Variants in MSRB3 observed in about 807,000 individuals in gnomAD.
The protein encoded by MSRB3 is methionine sulfoxide reductase B3, also known as methionine-R-sulfoxide reductase B3.
A neutral mutation model predicts 21.0 loss-of-function variants in MSRB3; 13 were observed. The ratio of observed to expected loss-of-function variants is 0.62; its 90% CI spans 0.40 to 0.98. MSRB3 has a LOEUF of 0.98. Among genes scored for constraint, MSRB3 ranks in the 50% least tolerant of loss-of-function variants. MSRB3 has a pLI of 0.00. For missense variants in MSRB3, 199 were observed against 230.3 expected (o/e 0.86, Z 0.88); for synonymous variants, 87 against 88.6 (o/e 0.98, Z 0.10).
rs555081044 is a variant in MSRB3 at position 65,352,843 on chromosome 12, T to C, written c.264-16155T>C. Among the ~76,000 whole-genome samples, 33 of 151,554 alleles carry C rather than the reference T, an allele frequency of 2.2e-4. No individual in the cohort carries two copies. In the East Asian group the frequency reaches 5.7e-3, roughly 26 times the overall value. On this transcript the variant is annotated intron_variant, in intron 4 of 6. Coordinates refer to ENST00000308259, the MANE Select transcript of MSRB3 (RefSeq NM_001031679.3). ...TACAAACAAATGGAAGAACATTCCA[T>C]GCTCATGGATAGGAAGAATCAATAT...
At chr12:65,450,173 C>T (rs1461913197) in intron 5 of MSRB3, among the ~76,000 whole-genome samples, 1 of 152,064 alleles carries the variant, frequency 6.6e-6, no homozygotes, top group Non-Finnish European at 1.5e-5. Flanking sequence ...GACGCTACAA[C>T]AACTAATCTG....
intron 5 of MSRB3, among the ~76,000 whole-genome samples, chr12:65,438,767 T>A (rs951414949): frequency 8.6e-5 from 13 of 151,710 alleles, no homozygotes; most frequent in African/African-American, 3.1e-4. Context: ...TGGGTCTTTA[T>A]GGAGGAAATG....
chr12:65,294,627 T>C (rs1457844031), intron 1 of MSRB3, among the ~76,000 whole-genome samples: 1 of 152,240 alleles, frequency 6.6e-6, no homozygotes, highest in Non-Finnish European at 1.5e-5. Context: ...TCCTCTTTGC[T>C]TTAAAAAAAT....
chr12:65,362,297 C>T (rs548784487), intron 4 of MSRB3, among the ~76,000 whole-genome samples: 11 of 152,270 alleles, frequency 7.2e-5, no homozygotes, highest in Admixed American at 6.5e-4. Flanking sequence ...AAAGGGCCTT[C>T]TCCCTAAATC....
intron 6 of MSRB3, among the ~76,000 whole-genome samples, chr12:65,461,640 G>T (rs1021526501): frequency 6.6e-6 from 1 of 152,140 alleles, no homozygotes; most frequent in African/African-American, 2.4e-5. Context: ...AGATTCTAGT[G>T]CTTTTCATTG....
At chr12:65,463,080 A>G (rs1182314500) in intron 6 of MSRB3, 75 bp from the exon 7 acceptor site, 1 of 1,577,834 alleles carries the variant, frequency 6.3e-7, no homozygotes, top group Admixed American at 1.7e-5. Flanking sequence ...CATCCATTTA[A>G]ACTGCTTAAT....
chr12:65,411,682 T>G (rs1317532194), intron 5 of MSRB3, among the ~76,000 whole-genome samples: 1 of 151,372 alleles, frequency 6.6e-6, no homozygotes, highest in Middle Eastern at 3.2e-3. Context: ...ATAGAATCAC[T>G]GTTGTATTGC....
chr12:65,436,204 G>A (rs1172016723), intron 5 of MSRB3, among the ~76,000 whole-genome samples: 1 of 151,756 alleles, frequency 6.6e-6, no homozygotes, highest in Non-Finnish European at 1.5e-5. Flanking sequence ...TATGATATAT[G>A]TTACAGATAA....
intron 4 of MSRB3, among the ~76,000 whole-genome samples, chr12:65,366,325 G>C (rs1456593447): frequency 1.3e-5 from 2 of 152,182 alleles, no homozygotes; most frequent in Non-Finnish European, 1.5e-5. Context: ...ACACATGCTA[G>C]TAGTACTACC....
At chr12:65,454,028 A>T in intron 6 of MSRB3, 1 of 669,822 alleles carries the variant, frequency 1.5e-6, no homozygotes, top group Non-Finnish European at 2.7e-6. Flanking sequence ...TCAAGCCTGT[A>T]ATCCCATACT....
intron 1 of MSRB3, among the ~76,000 whole-genome samples, chr12:65,301,324 C>T (rs1873318236): frequency 6.6e-6 from 1 of 151,952 alleles, no homozygotes; most frequent in South Asian, 2.1e-4. Context: ...GAAGATAAAG[C>T]ATTAGAGCTT....
intron 5 of MSRB3, among the ~76,000 whole-genome samples, chr12:65,452,181 A>G (rs1211329886): frequency 6.6e-6 from 1 of 152,172 alleles, no homozygotes; most frequent in Non-Finnish European, 1.5e-5. Flanking sequence ...CCTGTTTACT[A>G]CTAAATCAAG....
At chr12:65,438,630 G>A (rs1882228061) in intron 5 of MSRB3, among the ~76,000 whole-genome samples, 1 of 151,834 alleles carries the variant, frequency 6.6e-6, no homozygotes, top group Non-Finnish European at 1.5e-5. Context: ...AACATCTACA[G>A]ATAACATCTA....
chr12:65,301,911 A>G (rs1323795428), intron 1 of MSRB3, among the ~76,000 whole-genome samples: 1 of 152,132 alleles, frequency 6.6e-6, no homozygotes, highest in Non-Finnish European at 1.5e-5. Context: ...CTATTAAGCT[A>G]GATAATAAAA....
intron 4 of MSRB3, among the ~76,000 whole-genome samples, chr12:65,361,454 G>A (rs1877700002): frequency 6.6e-6 from 1 of 152,104 alleles, no homozygotes; most frequent in Non-Finnish European, 1.5e-5. Flanking sequence ...CTTACGATGT[G>A]TACCTCTGAT....
intron 1 of MSRB3, among the ~76,000 whole-genome samples, chr12:65,297,039 A>C (rs1873010541): frequency 6.6e-6 from 1 of 152,250 alleles, no homozygotes; most frequent in South Asian, 2.1e-4. Context: ...CTATGCAGCC[A>C]TAAAAAGGAA....
chr12:65,427,559 G>C (rs755821204), intron 5 of MSRB3, among the ~76,000 whole-genome samples: 1 of 152,154 alleles, frequency 6.6e-6, no homozygotes, highest in Non-Finnish European at 1.5e-5. Context: ...AGTTTGGTGT[G>C]GCACTAGTGT....
At chr12:65,412,352 T>G (rs1880759550) in intron 5 of MSRB3, among the ~76,000 whole-genome samples, 1 of 152,214 alleles carries the variant, frequency 6.6e-6, no homozygotes, top group African/African-American at 2.4e-5. Context: ...TTATTTCTCC[T>G]TCACCTATCC....
intron 4 of MSRB3, among the ~76,000 whole-genome samples, chr12:65,347,452 C>T (rs1876596313): frequency 6.6e-6 from 1 of 152,296 alleles, no homozygotes; most frequent in South Asian, 2.1e-4. Context: ...TGAGACTTTG[C>T]TGAAGTTGCC....
Sources: allele counts gnomAD v4.1 joint callset (sites outside exome capture counted in the v4.1 genomes callset), GRCh38; gene constraint gnomAD v4.1.1; transcripts MANE v1.5; gene names NCBI Gene and HGNC (gene_info 2026-07-23, HGNC 2026-07-21).